The following MYCBP2 variants were observed in gnomAD, a reference collection of about 807,000 sequenced individuals.
MYCBP2 encodes E3 ubiquitin-protein ligase MYCBP2.
MYCBP2 carries 120 observed loss-of-function variants against 525.3 expected under a neutral mutation model. The observed-to-expected ratio is 0.23, with a 90% CI of 0.20 to 0.27. The LOEUF is 0.27. Among genes scored for constraint, MYCBP2 ranks in the 10% least tolerant of loss-of-function variants. The pLI is 1.00. For synonymous variants in MYCBP2, 1,894 were observed against 1,955.8 expected (o/e 0.97, Z 0.83); for missense variants, 4,149 against 5,657.1 (o/e 0.73, Z 8.55).
At chr13:77,185,480 G>C in intron 31 of MYCBP2, 103 bp from the exon 32 acceptor site, 5 of 1,181,064 alleles carry the variant, frequency 4.2e-6, no homozygotes, top group Non-Finnish European at 5.9e-6. Flanking sequence ...AGTATCACAA[G>C]TACTAATATC....
At chr13:77,180,089 ATG>A in intron 34 of MYCBP2, 36 bp downstream of exon 34, 2 of 1,512,358 alleles carry the variant, frequency 1.3e-6, no homozygotes, top group Non-Finnish European at 1.8e-6. Flanking sequence ...AAACTTACAC[ATG>A]TGCTTTTTAT....
chr13:77,253,824 A>C (rs1257190013), intron 14 of MYCBP2, among the ~76,000 whole-genome samples: 1 of 152,046 alleles, frequency 6.6e-6, no homozygotes, highest in Non-Finnish European at 1.5e-5. Flanking sequence ...ATCCAACTCT[A>C]CTGGTGAGAG....
At chr13:77,169,747 A>G in intron 38 of MYCBP2, 33 bp from the exon 39 acceptor site, 1 of 1,536,504 alleles carries the variant, frequency 6.5e-7, no homozygotes, top group South Asian at 1.1e-5. Flanking sequence ...TTAAAACTAT[A>G]GTCAGAAGGT....
At chr13:77,173,536 T>C (rs1595122306) in intron 37 of MYCBP2, among the ~76,000 whole-genome samples, 1 of 152,202 alleles carries the variant, frequency 6.6e-6, no homozygotes, top group African/African-American at 2.4e-5. Context: ...AAAATCTATA[T>C]CTAGGGAAAT....
intron 17 of MYCBP2, among the ~76,000 whole-genome samples, chr13:77,241,440 C>T (rs899329925): frequency 1.3e-5 from 2 of 151,916 alleles, no homozygotes; most frequent in African/African-American, 4.8e-5. Flanking sequence ...TGTCGCTCAA[C>T]CTAATATTTC....
At chr13:77,283,896 T>C (rs749287508) in intron 3 of MYCBP2, among the ~76,000 whole-genome samples, 12 of 152,050 alleles carry the variant, frequency 7.9e-5, no homozygotes, top group Non-Finnish European at 1.3e-4. Flanking sequence ...AGACCCTGTC[T>C]CAAAATGAAA....
chr13:77,185,214 T>C lies in MYCBP2; in HGVS notation c.4608A>G (p.Glu1536=). Residue 1536 remains glutamate (E), a synonymous_variant, in exon 32 of 83, where the codon GAA becomes GAG. Coordinates refer to ENST00000544440, the MANE Select transcript of MYCBP2 (RefSeq NM_015057.5). ...TATTATGACATTCCTGAAGGACAGC[T>C]TCTAGAAGACTCAAGGGTTGACTGA... ...GYLSQPLSLL[E]AVLQECHNTF... The C allele has an allele frequency of 6.2e-7, 1 of 1,614,138 alleles. No individual in the cohort carries two copies. Among genetic ancestry groups the C allele is most frequent in the Non-Finnish European group, 8.5e-7 (1 of 1,180,014 alleles).
At chr13:77,199,680 C>G (rs1226251248) in intron 26 of MYCBP2, among the ~76,000 whole-genome samples, 3 of 152,204 alleles carry the variant, frequency 2.0e-5, no homozygotes, top group Non-Finnish European at 2.9e-5. Flanking sequence ...TCTCCCAGCA[C>G]ACAGCTGGAG....
rs890954508 is a variant in MYCBP2 at position 77,146,347 on chromosome 13, A to G, written c.7132-130T>C. ...TACATATAGGAGAAAAAGAAAAAAA[A>G]TTACCTACTTTAGACCATTTATTAA... On this transcript the variant is annotated intron_variant, in intron 47 of 82. Coordinates refer to ENST00000544440, the MANE Select transcript of MYCBP2 (RefSeq NM_015057.5). 8.0e-5 allele frequency: 36 copies of G among 450,750 alleles called. 1 individual carries two copies. In the East Asian group the frequency reaches 9.6e-4, roughly 12 times the overall value. 27.9% of individuals were successfully genotyped at this position (450,750 alleles called of 1,614,324 possible). A position where few individuals can be genotyped will look rare whatever the true frequency, so the allele number is the denominator to read the frequency against.
At chr13:77,295,755 T>C (rs2078122772) in intron 2 of MYCBP2, among the ~76,000 whole-genome samples, 2 of 152,204 alleles carry the variant, frequency 1.3e-5, no homozygotes. Flanking sequence ...AAATGTTCAG[T>C]ATAAAAAAGA....
chr13:77,291,850 T>C (rs916940322), intron 2 of MYCBP2, among the ~76,000 whole-genome samples: 1 of 152,178 alleles, frequency 6.6e-6, no homozygotes, highest in Non-Finnish European at 1.5e-5. Context: ...CATGATTGCT[T>C]ACTCCTTGTA....
intron 55 of MYCBP2, among the ~76,000 whole-genome samples, chr13:77,105,332 A>G (rs934273720): frequency 2.6e-5 from 4 of 152,280 alleles, no homozygotes; most frequent in South Asian, 2.1e-4. Context: ...ATGGCCTTCA[A>G]GTCTTTTCAA....
intron 55 of MYCBP2, among the ~76,000 whole-genome samples, chr13:77,106,008 T>G (rs921404248): frequency 6.6e-6 from 1 of 152,156 alleles, no homozygotes; most frequent in African/African-American, 2.4e-5. Flanking sequence ...ATGATAATAA[T>G]AAAACCGTGT....
chr13:77,116,172 T>C (rs1323895041), intron 55 of MYCBP2, among the ~76,000 whole-genome samples: 2 of 152,010 alleles, frequency 1.3e-5, no homozygotes, highest in Admixed American at 1.3e-4. Context: ...GTACAGTGTT[T>C]ACTACATAGT....
chr13:77,155,971 G>A, intron 46 of MYCBP2, 87 bp downstream of exon 46: 3 of 1,275,274 alleles, frequency 2.4e-6, no homozygotes, highest in South Asian at 1.6e-5. Flanking sequence ...AGAACAAATG[G>A]ACTCTCAGCA....
At position 77,098,324 on chromosome 13, in the gene MYCBP2, T is replaced by A. The variant is rs149903282; in HGVS notation, c.8830A>T (p.Asn2944Tyr). 4.3e-6 allele frequency: 7 copies of A among 1,611,568 alleles called. No homozygotes were observed. The African/African-American group carries it at 9.3e-5, about 22-fold the overall frequency. ...TCGCAGGTGCTGTCTGTTAGACTAT[T>A]TGTTTTTAAAGTACTTGAGGTGCAG... ...EVCTSSTLKT[N>Y]SLTDSTCDDS... is the part of the protein sequence containing the mutation. The change falls in exon 56 of 83, where the codon AAT (asparagine) becomes TAT (tyrosine). Residue 2944 changes from asparagine to tyrosine, a missense_variant. Asn to Tyr is a moderately radical substitution (Grantham distance 143). This residue lies in a region of MYCBP2 where 653 missense variants were observed against 744.7 expected (regional missense o/e 0.88). Coordinates refer to ENST00000544440, the MANE Select transcript of MYCBP2 (RefSeq NM_015057.5).
intron 55 of MYCBP2, among the ~76,000 whole-genome samples, chr13:77,102,899 TCCC>T (rs2047291246): frequency 6.6e-6 from 1 of 151,860 alleles, no homozygotes; most frequent in African/African-American, 2.4e-5. Context: ...TTTCAAAAAT[TCCC>T]CCAATTAGGT....
intron 32 of MYCBP2, among the ~76,000 whole-genome samples, chr13:77,182,486 C>A (rs1327873336): frequency 1.3e-5 from 2 of 152,186 alleles, no homozygotes; most frequent in Non-Finnish European, 2.9e-5. Context: ...TACACATTAC[C>A]TAGTCCTTCA....
chr13:77,047,476 T>G (rs1415458404), intron 82 of MYCBP2, among the ~76,000 whole-genome samples: 1 of 152,110 alleles, frequency 6.6e-6, no homozygotes, highest in Non-Finnish European at 1.5e-5. Flanking sequence ...CCTCCAAATT[T>G]ATATACTGAC....
Sources: allele counts gnomAD v4.1 joint callset (sites outside exome capture counted in the v4.1 genomes callset), GRCh38; gene constraint gnomAD v4.1.1; regional missense constraint gnomAD v4.1.1; transcripts MANE v1.5; gene names NCBI Gene and HGNC (gene_info 2026-07-23, HGNC 2026-07-21).